Variants in NUP205 observed in about 807,000 individuals in gnomAD.
The protein encoded by NUP205 is nuclear pore complex protein Nup205.
A neutral mutation model predicts 253.8 loss-of-function variants in NUP205; 76 were observed. That is an observed-to-expected ratio of 0.30 (90% CI 0.25 to 0.36). The LOEUF is 0.36. Among genes scored for constraint, NUP205 ranks in the 10% least tolerant of loss-of-function variants. The pLI, the probability that NUP205 is intolerant of heterozygous loss-of-function variation, is 1.00. For synonymous variants in NUP205, 832 were observed against 850.1 expected (o/e 0.98, Z 0.37); for missense variants, 2,162 against 2,425.5 (o/e 0.89, Z 2.28).
intron 38 of NUP205, among the ~76,000 whole-genome samples, chr7:135,642,379 C>T (rs751584094): frequency 4.0e-5 from 6 of 151,446 alleles, no homozygotes; most frequent in Admixed American, 6.6e-5. Context: ...TCTGTAGGGA[C>T]GGGGTCTCTG....
intron 13 of NUP205, among the ~76,000 whole-genome samples, chr7:135,596,956 C>CAA (rs202161616): frequency 1.6e-4 from 14 of 89,522 alleles, no homozygotes; most frequent in Non-Finnish European, 1.6e-4. Flanking sequence ...GACTCTGTCT[C>CAA]AAAAAAAAAA....
intron 33 of NUP205, 38 bp downstream of exon 33, chr7:135,626,399 G>GT (rs1483511038): frequency 6.3e-7 from 1 of 1,585,350 alleles, no homozygotes; most frequent in Non-Finnish European, 8.6e-7. Flanking sequence ...TAAACTCCCA[G>GT]TAAAGGATTA....
chr7:135,600,858 A>G lies in NUP205; in HGVS notation c.2275-12A>G, dbSNP rs988414120. 2 of 1,550,620 alleles carry G rather than the reference A, an allele frequency of 1.3e-6. No individual in the cohort carries two copies. Among genetic ancestry groups the G allele is most frequent in the African/African-American group, 1.4e-5 (1 of 73,738 alleles). ...GTTTTATTGTTATTGACCTATTTAT[A>G]TCTTTCTATAGTGGGAAGTTGCTGA... is the stretch of plus-strand genomic sequence containing the variant. On this transcript the variant is annotated splice_polypyrimidine_tract_variant and intron_variant, in intron 15 of 42. Coordinates refer to ENST00000285968, the MANE Select transcript of NUP205 (RefSeq NM_015135.3).
intron 33 of NUP205, among the ~76,000 whole-genome samples, chr7:135,626,588 A>G (rs1051599468): frequency 1.6e-4 from 25 of 152,136 alleles, no homozygotes; most frequent in African/African-American, 6.0e-4. Context: ...GCCCAATGTT[A>G]TTATTATGTT....
At chr7:135,624,386 AT>A (rs754062800) in intron 31 of NUP205, among the ~76,000 whole-genome samples, 66 of 125,238 alleles carry the variant, frequency 5.3e-4, no homozygotes, top group African/African-American at 1.9e-3. Context: ...TTTTATTTTT[AT>A]TTTTTTTGAG....
Position 135,598,157 on chromosome 7 carries a change from T to A in NUP205, c.2224T>A (p.Ser742Thr). Residue 742 changes from serine to threonine, a missense_variant, in exon 15 of 43, where the codon TCT (serine) becomes ACT (threonine). Transcript: ENST00000285968. Reference protein sequence around the residue: ...FDPYLQFLRDSVFLRFRTRAY... With the variant: ...FDPYLQFLRDTVFLRFRTRAY... ...CCCTTATTTGCAGTTCCTTAGAGACTCTGTGTTTCTACGATTCCGTACAAG... is the reference window on the plus strand; with the variant it reads ...CCCTTATTTGCAGTTCCTTAGAGACACTGTGTTTCTACGATTCCGTACAAG... 1 of 1,614,160 alleles carries A rather than the reference T, an allele frequency of 6.2e-7. No homozygotes were observed.
At chr7:135,586,243 G>A (rs73725149) in intron 8 of NUP205, among the ~76,000 whole-genome samples, 5,168 of 151,834 alleles carry the variant, frequency 0.034, 119 homozygotes, top group Middle Eastern at 0.1. Context: ...TAGGATTCTT[G>A]TATTATTTTT....
chr7:135,601,122 G>GA (rs950267668), intron 16 of NUP205, among the ~76,000 whole-genome samples, 153 bp downstream of exon 16: 3 of 152,060 alleles, frequency 2.0e-5, no homozygotes, highest in East Asian at 1.9e-4. Flanking sequence ...CTGTTCAAGA[G>GA]AAAAAATTAT....
At chr7:135,596,665 A>T (rs1793842605) in intron 13 of NUP205, among the ~76,000 whole-genome samples, 1 of 151,918 alleles carries the variant, frequency 6.6e-6, no homozygotes, top group South Asian at 2.1e-4. Flanking sequence ...TCTTAAGTTT[A>T]CTGGCTGGGT....
chr7:135,586,409 T>A (rs186961555), intron 8 of NUP205, among the ~76,000 whole-genome samples: 29 of 152,290 alleles, frequency 1.9e-4, no homozygotes, highest in Admixed American at 1.6e-3. Flanking sequence ...TTCTTATATT[T>A]TGCTTCACCA....
intron 10 of NUP205, among the ~76,000 whole-genome samples, chr7:135,589,209 T>G (rs1440765324): frequency 6.7e-6 from 1 of 149,872 alleles, no homozygotes; most frequent in African/African-American, 2.5e-5. Flanking sequence ...ATTGCCATGT[T>G]CATTTTGGGG....
At position 135,627,963 on chromosome 7, in the gene NUP205, T is replaced by TGAAATAAGCATGTTTGGC; in HGVS notation, c.4794-10_4794-9insGAAATAAGCATGTTTGGC. 1.2e-6 allele frequency: 2 copies of TGAAATAAGCATGTTTGGC among 1,612,408 alleles called. No individual in the cohort carries two copies. Among genetic ancestry groups the TGAAATAAGCATGTTTGGC allele is most frequent in the Non-Finnish European group, 1.7e-6 (2 of 1,179,244 alleles). On this transcript the variant is annotated splice_polypyrimidine_tract_variant and intron_variant, in intron 33 of 42. Coordinates refer to ENST00000285968, the MANE Select transcript of NUP205 (RefSeq NM_015135.3). ...CTTGGAATGTTTTCTCCTTGTTTGGTTGAAATAAGCATGTTTGGCATGAGA... is the reference window on the plus strand; with the variant it reads ...CTTGGAATGTTTTCTCCTTGTTTGGTGAAATAAGCATGTTTGGCTGAAATAAGCATGTTTGGCATGAGA...
chr7:135,611,064 G>A (rs1794219835), intron 22 of NUP205, among the ~76,000 whole-genome samples: 1 of 150,512 alleles, frequency 6.6e-6, no homozygotes, highest in African/African-American at 2.5e-5. Flanking sequence ...GGAGTGCAGT[G>A]GTGTGGTCTC....
chr7:135,565,070 A>G (rs567760911), intron 1 of NUP205, among the ~76,000 whole-genome samples: 4 of 152,160 alleles, frequency 2.6e-5, no homozygotes, highest in South Asian at 2.1e-4. Context: ...CAGCCGGCCT[A>G]TTGTAGAGTT....
chr7:135,590,541 C>CTTTT (rs59222729), intron 10 of NUP205, among the ~76,000 whole-genome samples: 7 of 144,584 alleles, frequency 4.8e-5, no homozygotes, highest in Non-Finnish European at 9.1e-5. Flanking sequence ...ATCATAAAAC[C>CTTTT]TTTTTTTTTT....
chr7:135,647,510 AGTTT>A (rs932023805), intron 42 of NUP205, among the ~76,000 whole-genome samples: 8 of 152,250 alleles, frequency 5.3e-5, no homozygotes, highest in East Asian at 3.9e-4. Flanking sequence ...ATTATTCAGA[AGTTT>A]GTTTGTTTGT....
intron 11 of NUP205, 125 bp from the exon 12 acceptor site, chr7:135,592,862 G>A (rs1371903386): frequency 2.8e-6 from 2 of 703,248 alleles, no homozygotes; most frequent in Admixed American, 2.5e-5. Flanking sequence ...ACTCCAGCCT[G>A]GGTGACAGTG....
intron 23 of NUP205, among the ~76,000 whole-genome samples, chr7:135,615,510 T>C (rs1412867166): frequency 1.3e-5 from 2 of 152,262 alleles, no homozygotes; most frequent in African/African-American, 4.8e-5. Context: ...AATTTAAGTT[T>C]AATTTTTCTT....
intron 36 of NUP205, 29 bp downstream of exon 36, chr7:135,635,686 A>G (rs779973877): frequency 1.5e-6 from 2 of 1,327,564 alleles, no homozygotes; most frequent in Non-Finnish European, 2.2e-6. Context: ...TTTAAATAGC[A>G]GTTATAAGAC....
Sources: allele counts gnomAD v4.1 joint callset (sites outside exome capture counted in the v4.1 genomes callset), GRCh38; gene constraint gnomAD v4.1.1; transcripts MANE v1.5; gene names NCBI Gene and HGNC (gene_info 2026-07-23, HGNC 2026-07-21).